Variants in SPPL2B observed in about 807,000 individuals in gnomAD.
The protein encoded by SPPL2B is signal peptide peptidase like 2B.
Under a neutral mutation model 59.7 loss-of-function variants are expected in SPPL2B, and 39 were observed. The observed-to-expected ratio is 0.65, with a 90% CI of 0.51 to 0.85. The LOEUF (loss-of-function observed/expected upper bound fraction) is 0.85. Among genes scored for constraint, SPPL2B ranks in the 40% least tolerant of loss-of-function variants. SPPL2B has a pLI of 0.00. For missense variants in SPPL2B, 865 were observed against 849.0 expected (o/e 1.02, Z -0.23); for synonymous variants, 419 against 370.8 (o/e 1.13, Z -1.49).
chr19:2,344,273 G>A (rs1969236688), intron 10 of SPPL2B, 89 bp from the exon 11 acceptor site: 2 of 300,180 alleles, frequency 6.7e-6, no homozygotes, highest in African/African-American at 5.3e-5. Flanking sequence ...CCCCCCCATC[G>A]CATCACCCTG....
chr19:2,337,273 C>G (rs1416586347), intron 2 of SPPL2B, 170 bp from the exon 3 acceptor site: 1 of 576,304 alleles, frequency 1.7e-6, no homozygotes, highest in Non-Finnish European at 2.9e-6. Context: ...CAGGGTCCGG[C>G]TGTGGGAGCT....
intron 2 of SPPL2B, 40 bp downstream of exon 2, chr19:2,334,761 G>A: frequency 6.7e-7 from 1 of 1,491,318 alleles, no homozygotes; most frequent in Non-Finnish European, 8.9e-7. Flanking sequence ...GGAGGAGAAT[G>A]CGGGGGCCCC....
intron 1 of SPPL2B, among the ~76,000 whole-genome samples, chr19:2,330,948 G>C (rs960811265): frequency 6.6e-6 from 1 of 152,220 alleles, no homozygotes; most frequent in Non-Finnish European, 1.5e-5. Flanking sequence ...TGTCCCTGGA[G>C]GGGGGCAGTG....
In SPPL2B at chr19:2,351,562, C is replaced by T; in HGVS notation, c.1483C>T (p.Leu495=). ...CGCTGTGGCGCTCTGGCGCCGGGAG[C>T]TGGGCGTGTTCTGGACGGGCAGCGG... The part of the protein sequence containing the change: ...SCAVALWRRE[L]GVFWTGSGFA... Residue 495 remains leucine (L), a synonymous_variant, in exon 14 of 15, where the codon CTG becomes TTG. Coordinates refer to ENST00000613503, the MANE Select transcript of SPPL2B (RefSeq NM_152988.3). The T allele has an allele frequency of 6.2e-7, 1 of 1,611,404 alleles. No individual in the cohort carries two copies. Among genetic ancestry groups the T allele is most frequent in the Non-Finnish European group, 8.5e-7 (1 of 1,179,294 alleles).
chr19:2,333,617 A>G (rs1475164785), intron 1 of SPPL2B, among the ~76,000 whole-genome samples: 3 of 151,956 alleles, frequency 2.0e-5, no homozygotes, highest in Non-Finnish European at 4.4e-5. Context: ...CCTGCCCCCT[A>G]CTTCATTTTG....
intron 1 of SPPL2B, among the ~76,000 whole-genome samples, chr19:2,333,290 CGGCA>C (rs1968385759): frequency 1.0e-5 from 1 of 98,188 alleles, no homozygotes; most frequent in Non-Finnish European, 1.9e-5. Context: ...GAGGTGGGGA[CGGCA>C]GGTGCGGGAG....
intron 5 of SPPL2B, 87 bp downstream of exon 5, chr19:2,339,295 G>C: frequency 6.8e-7 from 1 of 1,478,070 alleles, no homozygotes; most frequent in South Asian, 1.2e-5. Context: ...ACAGCAGTGA[G>C]TGCTTTGGCC....
chr19:2,339,028 G>A, intron 4 of SPPL2B, 41 bp from the exon 5 acceptor site: 3 of 1,534,934 alleles, frequency 2.0e-6, no homozygotes, highest in Non-Finnish European at 2.6e-6. Flanking sequence ...ATGGCTGGCG[G>A]GTGGCTCTGA....
chr19:2,343,848 G>A (rs1407292206), intron 9 of SPPL2B, 117 bp from the exon 10 acceptor site: 9 of 745,596 alleles, frequency 1.2e-5, no homozygotes, highest in African/African-American at 1.7e-5. Context: ...CACTGGGCAC[G>A]CTCTGCTCAG....
chr19:2,343,596 C>CG, intron 9 of SPPL2B, among the ~76,000 whole-genome samples: 1 of 152,064 alleles, frequency 6.6e-6, no homozygotes, highest in Non-Finnish European at 1.5e-5. Context: ...ACCGGGAGTG[C>CG]GGGGATGTTG....
rs982395109 is a variant in SPPL2B at position 2,354,978 on chromosome 19, C to A, written c.*1769C>A. On this transcript the variant is annotated 3_prime_UTR_variant, in exon 15 of 15. Coordinates refer to ENST00000613503, the MANE Select transcript of SPPL2B (RefSeq NM_152988.3). ...GTGCCCAGCGTCACTCCCATGGGCTCTGTGGGCCATGTGGTCCCTGTCACG... is the reference window on the plus strand; with the variant it reads ...GTGCCCAGCGTCACTCCCATGGGCTATGTGGGCCATGTGGTCCCTGTCACG... 1.3e-5 allele frequency among the ~76,000 whole-genome samples: 2 copies of A among 152,216 alleles called. No individual in the cohort carries two copies. Among genetic ancestry groups the A allele is most frequent in the Non-Finnish European group, 2.9e-5 (2 of 68,040 alleles).
At chr19:2,331,371 C>T (rs537724676) in intron 1 of SPPL2B, among the ~76,000 whole-genome samples, 1 of 152,128 alleles carries the variant, frequency 6.6e-6, no homozygotes, top group Non-Finnish European at 1.5e-5. Flanking sequence ...ATTTGGAGGT[C>T]GAGGCTTGGG....
intron 13 of SPPL2B, among the ~76,000 whole-genome samples, chr19:2,348,219 ACT>A (rs1225023260): frequency 6.1e-5 from 5 of 82,430 alleles, no homozygotes; most frequent in African/African-American, 1.5e-4. Flanking sequence ...ACACACACAC[ACT>A]CTCATTCGCC....
Position 2,354,270 on chromosome 19 carries a change from C to T in SPPL2B, c.*1061C>T. ...GGCATGGTCTACTCACTGATGGGGT[C>T]CTCCTGACTCCAGGGCAGAGACGTC... On this transcript the variant is annotated 3_prime_UTR_variant, in exon 15 of 15. Transcript: ENST00000613503. The T allele has an allele frequency of 6.6e-6, 1 of 152,298 alleles. No homozygotes were observed. Among genetic ancestry groups the T allele is most frequent in the East Asian group, 1.9e-4 (1 of 5,196 alleles). The allele number at this position is 152,298 out of a possible 1,614,324, so 9.4% of individuals were successfully genotyped here.
intron 1 of SPPL2B, among the ~76,000 whole-genome samples, chr19:2,331,594 T>G (rs1968296786): frequency 6.6e-6 from 1 of 152,186 alleles, no homozygotes; most frequent in Admixed American, 6.5e-5. Context: ...GAAAACCAGT[T>G]TTGCGAATTG....
Position 2,344,419 on chromosome 19 carries a change from G to T in SPPL2B, c.1171G>T (p.Glu391Ter). ...TGGGCCCTCGGACTCAGCCACCCGT[G>T]AGAAGGTGTGTCTTCTGACTGCAGG... ...ATGPSDSATR[E>*]KLPMVLKVPR... The change falls in exon 11 of 15, where the codon GAG (glutamate) becomes TAG (stop). Residue 391 changes from glutamate (E) to a stop codon, truncating the protein, a stop_gained. Transcript: ENST00000613503. LOFTEE classifies it high-confidence loss of function. 6.4e-7 allele frequency: 1 copy of T among 1,569,738 alleles called. No individual in the cohort carries two copies. Among genetic ancestry groups the T allele is most frequent in the Non-Finnish European group, 8.6e-7 (1 of 1,157,982 alleles).
rs199783195 is a variant in SPPL2B at position 2,352,993 on chromosome 19, G to T, written c.1563G>T (p.Pro521=). The T allele has an allele frequency of 6.2e-7, 1 of 1,612,034 alleles. No homozygotes were observed. The highest frequency in any genetic ancestry group is 1.1e-5 in the South Asian group (1 of 91,056). The change falls in exon 15 of 15, where the codon CCG becomes CCT. Residue 521 remains proline (P), a synonymous_variant. Transcript: ENST00000613503. ...SPWAPAPADG[P]QPPKDSATPL... is the part of the protein sequence containing the mutation. ...GGGCCCCAGCACCAGCCGACGGCCC[G>T]CAGCCTCCCAAAGACTCTGCCACGC... is the stretch of plus-strand genomic sequence containing the variant.
At position 2,332,015 on chromosome 19, in the gene SPPL2B, C is replaced by T. The variant is rs1020546163; in HGVS notation, c.67-2587C>T. 3.3e-5 allele frequency among the ~76,000 whole-genome samples: 5 copies of T among 152,234 alleles called. No individual in the cohort carries two copies. The highest frequency in any genetic ancestry group is 2.1e-4 in the South Asian group (1 of 4,832). ...TGTTGGAAGGGGCACCCTCCGGGCT[C>T]GGCACCGGGGCCAGACTAAGGGGTG... On this transcript the variant is annotated intron_variant, in intron 1 of 14. Transcript: ENST00000613503. The surrounding 1 kb of genome is among the most constrained non-coding windows in gnomAD (Gnocchi z 4.6).
chr19:2,330,899 C>T (rs1219578250), intron 1 of SPPL2B: 4 of 152,130 alleles, frequency 2.6e-5, no homozygotes, highest in African/African-American at 7.2e-5. Flanking sequence ...TGTTCCTGCC[C>T]CTTCCAGAAC....
Sources: gnomAD v4.1 joint callset for allele counts (sites outside exome capture counted in the v4.1 genomes callset) on GRCh38, gnomAD v4.1.1 for gene constraint, Gnocchi (gnomAD v3.1) non-coding constraint, MANE v1.5 for transcripts, NCBI Gene and HGNC (gene_info 2026-07-23, HGNC 2026-07-21) for gene names.